The following CREB5 variants were observed in gnomAD, a reference collection of about 807,000 sequenced individuals.
CREB5 encodes the protein cyclic AMP-responsive element-binding protein 5.
A neutral mutation model predicts 57.1 loss-of-function variants in CREB5; 19 were observed. The observed-to-expected ratio is 0.33, with a 90% confidence interval of 0.23 to 0.49. The LOEUF is 0.49. Ranked by LOEUF, CREB5 falls within the 20% of genes least tolerant of loss-of-function variation. CREB5 has a pLI of 0.99. For synonymous variants in CREB5, 238 were observed against 238.3 expected (o/e 1.00, Z 0.01); for missense variants, 579 against 671.6 (o/e 0.86, Z 1.52).
At chr7:28,491,243 G>T in intron 2 of CREB5, 2 of 985,446 alleles carry the variant, frequency 2.0e-6, no homozygotes, top group Non-Finnish European at 2.4e-6. Flanking sequence ...TCAAGAACAA[G>T]AAACCAGTGA....
chr7:28,633,796 C>T (rs1202074292), intron 5 of CREB5, among the ~76,000 whole-genome samples: 5 of 152,296 alleles, frequency 3.3e-5, no homozygotes, highest in Admixed American at 3.3e-4. Flanking sequence ...GGTCCTACAT[C>T]TGTCTTTGAG....
chr7:28,775,543 C>CATATATATATATATATATATATATACAT lies in CREB5; in HGVS notation c.703-28634_703-28633insATACATATATATATATATATATATATAT. 1.7e-5 allele frequency among the ~76,000 whole-genome samples: 2 copies of CATATATATATATATATATATATATACAT among 120,694 alleles called. 1 individual carries two copies. Among genetic ancestry groups the CATATATATATATATATATATATATACAT allele is most frequent in the East Asian group, 8.3e-4 (2 of 2,418 alleles). 79.2% of individuals were successfully genotyped at this position (120,694 alleles called of 152,430 possible). On this transcript the variant is annotated intron_variant, in intron 7 of 10. Transcript: ENST00000357727. ...ATGCCATATTTATGTATTCCTTAGC[C>CATATATATATATATATATATATATACAT]ATATATATATATATATATATATTAG...
In CREB5 at chr7:28,809,265, G is replaced by A; in HGVS notation, c.1105G>A (p.Val369Met). Residue 369 changes from valine (V) to methionine (M), a missense_variant, in exon 9 of 11, where the codon GTG becomes ATG. By Grantham distance (21) the Val-to-Met change is conservative. Transcript: ENST00000357727. The stretch of plus-strand genomic sequence containing the variant: ...GCCCACAGGGGGGCGCCGGCGAAGG[G>A]TGGTAGACGAGGATCCGGACGAGAG... ...PQPTGGRRRR[V>M]VDEDPDERRR... 6.2e-7 allele frequency: 1 copy of A among 1,614,190 alleles called. No homozygotes were observed. Among genetic ancestry groups the A allele is most frequent in the Non-Finnish European group, 8.5e-7 (1 of 1,180,046 alleles).
At chr7:28,765,923 T>C (rs1247080723) in intron 7 of CREB5, among the ~76,000 whole-genome samples, 1 of 152,190 alleles carries the variant, frequency 6.6e-6, no homozygotes, top group Non-Finnish European at 1.5e-5. Context: ...AATATCAAGT[T>C]GTCACTGACT....
rs976625052 is a variant in CREB5 at position 28,383,990 on chromosome 7, T to A, written c.-25+84549T>A. On this transcript the variant is annotated intron_variant, in intron 1 of 9. Transcript: ENST00000396299. ...CTTTACATTTTAAGGAGTCCTTATT[T>A]TATCTGCTACCAATGTAGGTTTTAA... 2.0e-5 allele frequency among the ~76,000 whole-genome samples: 3 copies of A among 152,340 alleles called. No homozygotes were observed. The South Asian group carries it at 6.2e-4, about 32-fold the overall frequency.
At chr7:28,492,363 T>A (rs1182649258) in intron 2 of CREB5, among the ~76,000 whole-genome samples, 1 of 152,264 alleles carries the variant, frequency 6.6e-6, no homozygotes, top group South Asian at 2.1e-4. Context: ...GAGTTTCTCT[T>A]GCCCTTTGTA....
intron 5 of CREB5, among the ~76,000 whole-genome samples, chr7:28,709,191 T>G (rs769556536): frequency 6.6e-6 from 1 of 152,234 alleles, no homozygotes; most frequent in African/African-American, 2.4e-5. Context: ...TATTGGCTGA[T>G]TGAAAAGCCA....
intron 1 of CREB5, among the ~76,000 whole-genome samples, chr7:28,306,055 C>G (rs1167653372): frequency 6.6e-6 from 1 of 151,982 alleles, no homozygotes; most frequent in African/African-American, 2.4e-5. Context: ...ATTATTACAA[C>G]CAATGCTACA....
chr7:28,598,112 A>ATGT (rs1796760366), intron 5 of CREB5, among the ~76,000 whole-genome samples: 1 of 152,046 alleles, frequency 6.6e-6, no homozygotes. Flanking sequence ...GAATTCCCAC[A>ATGT]TGTTGTGGGA....
At chr7:28,379,870 T>C (rs948150037) in intron 1 of CREB5, among the ~76,000 whole-genome samples, 1 of 152,206 alleles carries the variant, frequency 6.6e-6, no homozygotes, top group Non-Finnish European at 1.5e-5. Flanking sequence ...TTAGAAATTC[T>C]GCAGGAGGAG....
chr7:28,534,466 G>A (rs1353196953), intron 4 of CREB5, among the ~76,000 whole-genome samples: 1 of 152,212 alleles, frequency 6.6e-6, no homozygotes, highest in Non-Finnish European at 1.5e-5. Context: ...TGTAAGCTAT[G>A]TAGCAATTGA....
chr7:28,307,201 G>A (rs1256937386), intron 1 of CREB5, among the ~76,000 whole-genome samples: 1 of 152,164 alleles, frequency 6.6e-6, no homozygotes, highest in African/African-American at 2.4e-5. Context: ...CCAGCTCTGT[G>A]GTTTGAATAC....
rs552311607 is a variant in CREB5 at position 28,390,394 on chromosome 7, A to G, written c.-25+90953A>G. 5.9e-5 allele frequency among the ~76,000 whole-genome samples: 9 copies of G among 152,322 alleles called. 1 individual carries two copies. The South Asian group carries it at 1.9e-3, about 32-fold the overall frequency. ...CAGAAAACATTATTTCACTCTTTTT[A>G]AAAATAAACTGTTAATAACCTTATT... On this transcript the variant is annotated intron_variant, in intron 1 of 9. Coordinates refer to the CREB5 transcript ENST00000396299.
At chr7:28,731,818 G>A (rs1484272996) in intron 7 of CREB5, among the ~76,000 whole-genome samples, 1 of 152,208 alleles carries the variant, frequency 6.6e-6, no homozygotes, top group African/African-American at 2.4e-5. Context: ...AATTGAAGCT[G>A]ATCATCAAAT....
intron 7 of CREB5, among the ~76,000 whole-genome samples, chr7:28,776,009 T>G (rs1439366288): frequency 6.6e-6 from 1 of 152,132 alleles, no homozygotes; most frequent in African/African-American, 2.4e-5. Context: ...TGATACAGAA[T>G]TAGAAGTTAG....
At chr7:28,484,227 G>T (rs1386603147) in intron 1 of CREB5, among the ~76,000 whole-genome samples, 1 of 152,256 alleles carries the variant, frequency 6.6e-6, no homozygotes, top group Middle Eastern at 3.4e-3. Flanking sequence ...AATGGTTAAA[G>T]AATCTATGCA....
rs1404270291 is a variant in CREB5, at chr7:28,804,541, C to T, written c.1026+19C>T. 5 of 1,609,292 alleles carry T rather than the reference C, an allele frequency of 3.1e-6. No individual in the cohort carries two copies. Among genetic ancestry groups the T allele is most frequent in the Non-Finnish European group, 4.3e-6 (5 of 1,176,190 alleles). On this transcript the variant is annotated intron_variant, in intron 8 of 10. Transcript: ENST00000357727. ...AGCACAGGTAGACCTTTTCCGTGAT[C>T]TCTTTCCCCTTCTTATTCTCCTTCT...
chr7:28,639,825 T>G lies in CREB5; in HGVS notation c.464+69288T>G, dbSNP rs530382041. Among the ~76,000 whole-genome samples, 5 of 152,324 alleles carry G rather than the reference T, an allele frequency of 3.3e-5. No individual in the cohort carries two copies. In the East Asian group the frequency reaches 9.6e-4, roughly 29 times the overall value. On this transcript the variant is annotated intron_variant, in intron 5 of 10. Coordinates refer to ENST00000357727, the MANE Select transcript of CREB5 (RefSeq NM_182898.4). ...CATGTCAACTTGAGACCAGCAGCAG[T>G]GTTGTAGAGTGAAAATCAATGCCAC...
intron 1 of CREB5, among the ~76,000 whole-genome samples, chr7:28,341,873 G>C (rs1369870054): frequency 6.6e-6 from 1 of 152,158 alleles, no homozygotes; most frequent in African/African-American, 2.4e-5. Context: ...CCCCTTTCTT[G>C]AAAGTCAGCA....
Sources: gnomAD v4.1 joint callset for allele counts (sites outside exome capture counted in the v4.1 genomes callset) on GRCh38, gnomAD v4.1.1 for gene constraint, MANE v1.5 for transcripts, NCBI Gene and HGNC (gene_info 2026-07-23, HGNC 2026-07-21) for gene names.